MALRD1: variants seen among roughly 807,000 people sequenced by gnomAD.
The protein encoded by MALRD1 is MAM and LDL-receptor class A domain-containing protein 1.
A neutral mutation model predicts 242.1 loss-of-function variants in MALRD1; 247 were observed. That is an observed-to-expected ratio of 1.02 (90% confidence interval 0.92 to 1.13). The LOEUF (loss-of-function observed/expected upper bound fraction) is 1.13, where lower values mean the gene tolerates loss of function less well. Ranked by LOEUF, MALRD1 falls within the 50% of genes most tolerant of loss-of-function variation. The pLI is 0.00. For missense variants in MALRD1, 2,989 were observed against 2,533.1 expected (o/e 1.18, Z -3.86); for synonymous variants, 995 against 866.6 (o/e 1.15, Z -2.60).
intron 28 of MALRD1, among the ~76,000 whole-genome samples, chr10:19,449,557 T>G (rs2131033651): frequency 6.6e-6 from 1 of 152,316 alleles, no homozygotes; most frequent in African/African-American, 2.4e-5. Flanking sequence ...GTCATAGTTA[T>G]CATCAGAGAT....
intron 17 of MALRD1, among the ~76,000 whole-genome samples, chr10:19,206,446 G>A (rs575812928): frequency 2.0e-5 from 3 of 152,126 alleles, no homozygotes; most frequent in South Asian, 2.1e-4. Context: ...TGCAAATTTC[G>A]AAAGCCTTTT....
chr10:19,495,666 A>G (rs562973888), intron 30 of MALRD1, among the ~76,000 whole-genome samples: 3 of 152,258 alleles, frequency 2.0e-5, no homozygotes, highest in East Asian at 3.9e-4. Flanking sequence ...AACCAGACAA[A>G]CAAATCTGCA....
chr10:19,334,709 T>C (rs752329541), intron 24 of MALRD1, among the ~76,000 whole-genome samples: 1 of 152,150 alleles, frequency 6.6e-6, no homozygotes, highest in African/African-American at 2.4e-5. Flanking sequence ...TCTGTATTTA[T>C]TACTATTTAT....
chr10:19,333,294 T>TC (rs1335450637), intron 24 of MALRD1, among the ~76,000 whole-genome samples: 1 of 152,090 alleles, frequency 6.6e-6, no homozygotes, highest in Non-Finnish European at 1.5e-5. Context: ...CTTTTCCTCC[T>TC]CTCCTTCTCT....
chr10:19,586,857 G>T (rs550321900), intron 33 of MALRD1, among the ~76,000 whole-genome samples: 1 of 152,324 alleles, frequency 6.6e-6, no homozygotes, highest in Non-Finnish European at 1.5e-5. Flanking sequence ...ATCTCAGACT[G>T]CTGCGTTAGC....
At chr10:19,347,204 A>T (rs1844170454) in intron 24 of MALRD1, among the ~76,000 whole-genome samples, 1 of 152,210 alleles carries the variant, frequency 6.6e-6, no homozygotes, top group South Asian at 2.1e-4. Flanking sequence ...TTCAAAAAGT[A>T]CCTGGGAGAT....
At chr10:19,713,475 G>A (rs1728292425) in intron 38 of MALRD1, among the ~76,000 whole-genome samples, 1 of 152,214 alleles carries the variant, frequency 6.6e-6, no homozygotes, top group Admixed American at 6.5e-5. Context: ...TAATCTTCAA[G>A]AGACATGAAT....
At chr10:19,428,520 C>A (rs530896616) in intron 28 of MALRD1, among the ~76,000 whole-genome samples, 4 of 152,052 alleles carry the variant, frequency 2.6e-5, no homozygotes, top group Non-Finnish European at 5.9e-5. Flanking sequence ...TTCATAAACA[C>A]CACCATCCTC....
At chr10:19,451,722 C>G (rs1835339356) in intron 29 of MALRD1, among the ~76,000 whole-genome samples, 1 of 152,180 alleles carries the variant, frequency 6.6e-6, no homozygotes, top group Non-Finnish European at 1.5e-5. Context: ...GTTACAGCAT[C>G]TGCTCTTTTT....
chr10:19,160,224 T>A (rs1834338852), intron 12 of MALRD1, among the ~76,000 whole-genome samples: 1 of 151,852 alleles, frequency 6.6e-6, no homozygotes, highest in Admixed American at 6.6e-5. Flanking sequence ...GATAATCATG[T>A]GGTTTTTGTC....
In MALRD1 at chr10:19,671,535, T is replaced by C. The variant is rs565653972; in HGVS notation, c.6138-20747T>C. ...CAGGAGGTTGAGGCAAGAGAACCAC[T>C]TGAACCGAGGAGGCGGAGGATAGAG... On this transcript the variant is annotated intron_variant, in intron 36 of 39. Coordinates refer to ENST00000454679, the MANE Select transcript of MALRD1 (RefSeq NM_001142308.3). Among the ~76,000 whole-genome samples, 47 of 151,610 alleles carry C rather than the reference T, an allele frequency of 3.1e-4. 1 individual carries two copies. The highest frequency in any genetic ancestry group is 5.7e-4 in the Non-Finnish European group (39 of 67,950).
intron 18 of MALRD1, among the ~76,000 whole-genome samples, chr10:19,241,529 AT>A (rs1204255049): frequency 6.6e-6 from 1 of 151,862 alleles, no homozygotes; most frequent in Non-Finnish European, 1.5e-5. Context: ...CTTTTGAAAT[AT>A]TTTTTAGTGT....
chr10:19,228,862 G>T (rs1837911861), intron 18 of MALRD1, among the ~76,000 whole-genome samples: 1 of 151,812 alleles, frequency 6.6e-6, no homozygotes, highest in African/African-American at 2.4e-5. Flanking sequence ...CTTCAAAAAG[G>T]CACGTAGTTT....
chr10:19,347,467 A>G (rs921347728), intron 24 of MALRD1, among the ~76,000 whole-genome samples: 60 of 152,326 alleles, frequency 3.9e-4, no homozygotes, highest in African/African-American at 1.4e-3. Flanking sequence ...ATAGATGAGA[A>G]GACAGAATAA....
chr10:19,445,101 C>G (rs1164871185), intron 28 of MALRD1, among the ~76,000 whole-genome samples: 2 of 152,188 alleles, frequency 1.3e-5, no homozygotes, highest in Admixed American at 6.5e-5. Context: ...ATTGAATCGG[C>G]TACTGAAGCT....
chr10:19,319,237 G>T (rs899758054), intron 21 of MALRD1, among the ~76,000 whole-genome samples: 1 of 151,796 alleles, frequency 6.6e-6, no homozygotes, highest in African/African-American at 2.4e-5. Context: ...TCCCACATCA[G>T]GAAGGTATTG....
At chr10:19,258,748 G>A (rs904433827) in intron 19 of MALRD1, among the ~76,000 whole-genome samples, 2 of 152,070 alleles carry the variant, frequency 1.3e-5, no homozygotes, top group African/African-American at 4.8e-5. Context: ...GAACTCTGGA[G>A]ACAGCTGAAT....
intron 30 of MALRD1, among the ~76,000 whole-genome samples, chr10:19,496,750 A>G (rs1021446696): frequency 3.9e-5 from 6 of 152,176 alleles, no homozygotes; most frequent in African/African-American, 1.4e-4. Flanking sequence ...GCAAGCAAAT[A>G]TATGTGAATA....
intron 2 of MALRD1, 28 bp from the exon 3 acceptor site, chr10:19,087,812 T>C (rs1835724394): frequency 8.5e-7 from 1 of 1,175,282 alleles, no homozygotes; most frequent in Non-Finnish European, 1.1e-6. Context: ...CTGGTTTTTT[T>C]TTGTACCCTG....
Sources: allele counts gnomAD v4.1 joint callset (sites outside exome capture counted in the v4.1 genomes callset), GRCh38; gene constraint gnomAD v4.1.1; transcripts MANE v1.5; gene names NCBI Gene and HGNC (gene_info 2026-07-23, HGNC 2026-07-21).